Variants in DTX1 observed in about 807,000 individuals in gnomAD.
The protein encoded by DTX1 is deltex E3 ubiquitin ligase 1, also known as E3 ubiquitin-protein ligase DTX1.
Under a neutral mutation model 57.8 loss-of-function variants are expected in DTX1, and 26 were observed. The observed-to-expected ratio is 0.45, with a 90% CI of 0.33 to 0.62. The LOEUF is 0.62. DTX1 is among the 20% of genes least tolerant of loss of function. The pLI is 0.02. For synonymous variants in DTX1, 398 were observed against 394.1 expected, an observed-to-expected ratio of 1.01 and a Z score of -0.12; for missense variants, 704 against 895.3, an observed-to-expected ratio of 0.79 and a Z score of 2.73.
chr12:113,065,606 T>C (rs2044698705), intron 2 of DTX1, among the ~76,000 whole-genome samples: 1 of 151,864 alleles, frequency 6.6e-6, no homozygotes, highest in Non-Finnish European at 1.5e-5. Flanking sequence ...GAGTCTGACC[T>C]GGAGAGGAAG....
intron 2 of DTX1, among the ~76,000 whole-genome samples, chr12:113,065,872 C>T (rs2044700423): frequency 6.6e-6 from 1 of 152,078 alleles, no homozygotes; most frequent in Non-Finnish European, 1.5e-5. Flanking sequence ...AGGCAGTAGG[C>T]AATGGGGTTG....
At chr12:113,095,731 A>G in intron 9 of DTX1, 1 of 379,220 alleles carries the variant, frequency 2.6e-6, no homozygotes, top group South Asian at 4.0e-5. Context: ...AGCTGTCACC[A>G]CCACCCTACA....
rs1566011300 is a variant in DTX1, at chr12:113,057,491, C to T, written c.-702C>T. ...GGTGGGGCGTGCCCACGGGCCCCCG[C>T]CCCCCTCGTCCCCCTCGTCCCCCAG... On this transcript the variant is annotated 5_prime_UTR_variant, in exon 2 of 10. Coordinates refer to ENST00000548759, the MANE Select transcript of DTX1 (RefSeq NM_004416.3). 6.6e-6 allele frequency: 1 copy of T among 152,224 alleles called. No individual in the cohort carries two copies. Among genetic ancestry groups the T allele is most frequent in the African/African-American group, 2.4e-5 (1 of 41,362 alleles). 9.4% of individuals were successfully genotyped at this position (152,224 alleles called of 1,614,324 possible).
At chr12:113,073,408 G>A (rs1592846189) in intron 2 of DTX1, among the ~76,000 whole-genome samples, 1 of 152,196 alleles carries the variant, frequency 6.6e-6, no homozygotes, top group South Asian at 2.1e-4. Flanking sequence ...CAATTAAAAT[G>A]ATAAATCAGG....
chr12:113,085,353 C>A (rs903021111), intron 3 of DTX1, among the ~76,000 whole-genome samples: 2 of 152,136 alleles, frequency 1.3e-5, no homozygotes, highest in Non-Finnish European at 1.5e-5. Context: ...CCCAGCCAGG[C>A]CTGCTCCCAT....
chr12:113,067,355 A>G (rs1306060091), intron 2 of DTX1, among the ~76,000 whole-genome samples: 1 of 152,068 alleles, frequency 6.6e-6, no homozygotes, highest in Admixed American at 6.5e-5. Flanking sequence ...CACTTGTTCC[A>G]AGGTGTTACT....
At chr12:113,061,813 G>A (rs2044666123) in intron 2 of DTX1, among the ~76,000 whole-genome samples, 1 of 151,766 alleles carries the variant, frequency 6.6e-6, no homozygotes, top group African/African-American at 2.4e-5. Context: ...TGATTCTCGT[G>A]CCTCAACCTC....
intron 2 of DTX1, among the ~76,000 whole-genome samples, chr12:113,072,746 C>G (rs1259994856): frequency 6.8e-6 from 1 of 146,242 alleles, no homozygotes; most frequent in Admixed American, 6.8e-5. Context: ...CTTTGTCGCC[C>G]AGGCTGGAGT....
rs1268184778 is a variant in DTX1, at chr12:113,058,318, C to T, written c.126C>T (p.Ala42=). The T allele has an allele frequency of 2.5e-6, 4 of 1,613,552 alleles. No individual in the cohort carries two copies. The highest frequency in any genetic ancestry group is 3.4e-6 in the Non-Finnish European group (4 of 1,180,042). The change falls in exon 2 of 10, where the codon GCC becomes GCT. Residue 42 remains alanine (A), a synonymous_variant. Transcript: ENST00000548759. ...NEHSRWRPYT[A]TVCHHIENVL... is the part of the protein sequence containing the mutation. ...ACAGCCGCTGGCGGCCCTACACGGC[C>T]ACCGTGTGCCACCACATTGAGAACG...
chr12:113,090,481 G>A (rs1950240541), intron 3 of DTX1, among the ~76,000 whole-genome samples: 1 of 152,192 alleles, frequency 6.6e-6, no homozygotes. Flanking sequence ...AGCTTTACAT[G>A]TTTTAGCACA....
intron 3 of DTX1, among the ~76,000 whole-genome samples, chr12:113,087,422 C>T (rs3847955): frequency 0.27 from 40,453 of 151,872 alleles, 5,883 homozygotes; most frequent in Middle Eastern, 0.38. Context: ...GGGCTTGCAG[C>T]GATGTCCTTC....
chr12:113,095,838 A>G (rs1413729312), intron 9 of DTX1, among the ~76,000 whole-genome samples: 1 of 152,228 alleles, frequency 6.6e-6, no homozygotes, highest in East Asian at 1.9e-4. Flanking sequence ...ACTAATTTAC[A>G]AGTGGCTCTT....
At chr12:113,058,534 T>C in intron 2 of DTX1, 83 bp downstream of exon 2, 1 of 1,525,530 alleles carries the variant, frequency 6.6e-7, no homozygotes, top group Admixed American at 1.9e-5. Context: ...TCCCAGTAAA[T>C]CTGCTGATGC....
chr12:113,059,357 T>C (rs1366641258), intron 2 of DTX1, among the ~76,000 whole-genome samples: 1 of 152,166 alleles, frequency 6.6e-6, no homozygotes, highest in Non-Finnish European at 1.5e-5. Context: ...GCAGTCTTCG[T>C]GGCCATGTGG....
At chr12:113,095,604 C>G (rs1299509948) in intron 9 of DTX1, 190 bp downstream of exon 9, 3 of 691,144 alleles carry the variant, frequency 4.3e-6, no homozygotes, top group Non-Finnish European at 7.1e-6. Context: ...CCACTGAGGT[C>G]AAGATCCTGA....
intron 2 of DTX1, among the ~76,000 whole-genome samples, chr12:113,065,302 G>C (rs2044696496): frequency 6.6e-6 from 1 of 152,218 alleles, no homozygotes; most frequent in Non-Finnish European, 1.5e-5. Context: ...GAAGCTCAGA[G>C]GGTGGGGAGC....
intron 2 of DTX1, among the ~76,000 whole-genome samples, chr12:113,067,475 C>T (rs2044711640): frequency 6.6e-6 from 1 of 152,218 alleles, no homozygotes; most frequent in Admixed American, 6.5e-5. Flanking sequence ...TACCCATCTA[C>T]ACAAAGGCTG....
rs1014416427 is a variant in DTX1 at position 113,077,972 on chromosome 12, G to C, written c.808G>C (p.Ala270Pro). ...GCCCGCCGCCGGCCCCGCCGAGCCCGCGCCGCCTCCCGGGGCGCCCCCACG... is the reference window on the plus strand; with the variant it reads ...GCCCGCCGCCGGCCCCGCCGAGCCCCCGCCGCCTCCCGGGGCGCCCCCACG... ...AAPAAGPAEPAPPPGAPPRSP... is the reference protein window; with the variant it reads ...AAPAAGPAEPPPPPGAPPRSP... Residue 270 changes from alanine (A) to proline (P), a missense_variant, in exon 3 of 10, where the codon GCG becomes CCG. Around this residue, in one of 3 missense-constraint regions of DTX1, gnomAD observed 299 missense variants for 311.2 expected, o/e 0.96. Transcript: ENST00000548759. The surrounding 1 kb of genome is among the most constrained non-coding windows in gnomAD (Gnocchi z 7.8). 1.7e-5 allele frequency: 17 copies of C among 1,016,780 alleles called. No homozygotes were observed. The highest frequency in any genetic ancestry group is 4.5e-5 in the South Asian group (1 of 22,454). The allele number at this position is 1,016,780 out of a possible 1,614,324, so 63.0% of individuals were successfully genotyped here.
intron 2 of DTX1, among the ~76,000 whole-genome samples, chr12:113,074,004 G>C (rs1308824559): frequency 6.6e-6 from 1 of 152,194 alleles, no homozygotes; most frequent in Non-Finnish European, 1.5e-5. Flanking sequence ...GCTGAGGCAG[G>C]TGGATCACCT....
Sources: allele counts gnomAD v4.1 joint callset (sites outside exome capture counted in the v4.1 genomes callset), GRCh38; gene constraint gnomAD v4.1.1; regional missense constraint gnomAD v4.1.1; non-coding constraint Gnocchi (gnomAD v3.1); transcripts MANE v1.5; gene names NCBI Gene and HGNC (gene_info 2026-07-23, HGNC 2026-07-21).